Variants in SDK1 observed in about 807,000 individuals in gnomAD.
The protein encoded by SDK1 is sidekick cell adhesion molecule 1.
Under a neutral mutation model 245.5 loss-of-function variants are expected in SDK1, and 157 were observed. That is an observed-to-expected ratio of 0.64 (90% CI 0.56 to 0.73). The LOEUF (loss-of-function observed/expected upper bound fraction) is 0.73, where lower values mean the gene tolerates loss of function less well. SDK1 is among the 30% of genes least tolerant of loss of function. The pLI is 0.00. For missense variants in SDK1, 3,583 were observed against 3,002.3 expected (o/e 1.19, Z -4.52); for synonymous variants, 1,647 against 1,278.5 (o/e 1.29, Z -6.15).
intron 1 of SDK1, among the ~76,000 whole-genome samples, chr7:3,328,992 C>T (rs1416923151): frequency 6.6e-6 from 1 of 152,094 alleles, no homozygotes; most frequent in Admixed American, 6.6e-5. Flanking sequence ...TGCTGGATTA[C>T]CCAAACCAAA....
At chr7:4,136,034 A>G (rs1465122175) in intron 28 of SDK1, among the ~76,000 whole-genome samples, 3 of 152,194 alleles carry the variant, frequency 2.0e-5, no homozygotes, top group East Asian at 3.8e-4. Flanking sequence ...GTCGGGAGGT[A>G]TGGATCTTGA....
chr7:3,416,035 G>T (rs1270811601), intron 1 of SDK1, among the ~76,000 whole-genome samples: 1 of 152,266 alleles, frequency 6.6e-6, no homozygotes, highest in African/African-American at 2.4e-5. Flanking sequence ...AAAGCAGATG[G>T]TGTGTGCAAA....
At chr7:3,610,365 T>C (rs934258058) in intron 1 of SDK1, among the ~76,000 whole-genome samples, 2 of 152,238 alleles carry the variant, frequency 1.3e-5, no homozygotes, top group East Asian at 1.9e-4. Flanking sequence ...GAAAGAAATA[T>C]TGTGCCATAT....
At chr7:3,965,014 C>G (rs764318432) in intron 9 of SDK1, among the ~76,000 whole-genome samples, 2 of 152,194 alleles carry the variant, frequency 1.3e-5, no homozygotes, top group Non-Finnish European at 1.5e-5. Flanking sequence ...GCCTATCTTG[C>G]AATCGTGAGC....
chr7:3,521,056 C>T (rs1159142052), intron 1 of SDK1, among the ~76,000 whole-genome samples: 1 of 152,158 alleles, frequency 6.6e-6, no homozygotes, highest in Non-Finnish European at 1.5e-5. Flanking sequence ...TTCTTCCAAA[C>T]TTACTAGAAT....
chr7:4,208,034 C>T, intron 36 of SDK1, 65 bp from the exon 37 acceptor site: 2 of 1,253,464 alleles, frequency 1.6e-6, no homozygotes, highest in South Asian at 1.3e-5. Flanking sequence ...ACCTTACACT[C>T]AGTGGCCCCC....
At position 3,374,641 on chromosome 7, in the gene SDK1, A is replaced by G. The variant is rs567291671; in HGVS notation, c.298+72757A>G. Among the ~76,000 whole-genome samples, 4 of 152,052 alleles carry G rather than the reference A, an allele frequency of 2.6e-5. No homozygotes were observed. The South Asian group carries it at 8.3e-4, about 32-fold the overall frequency. ...AAGGTACGTTTTTCCCCACCCCAGAACCTTTACATATTCTGTTCCCTCTGC... is the reference window on the plus strand; with the variant it reads ...AAGGTACGTTTTTCCCCACCCCAGAGCCTTTACATATTCTGTTCCCTCTGC... On this transcript the variant is annotated intron_variant, in intron 1 of 44. Coordinates refer to ENST00000404826, the MANE Select transcript of SDK1 (RefSeq NM_152744.4).
chr7:3,817,333 C>T (rs1012585288), intron 4 of SDK1, among the ~76,000 whole-genome samples: 5 of 152,260 alleles, frequency 3.3e-5, no homozygotes, highest in South Asian at 2.1e-4. Flanking sequence ...TACACCCAAT[C>T]GAAGCTCTAT....
chr7:3,745,603 A>G (rs1023226001), intron 4 of SDK1, among the ~76,000 whole-genome samples: 1 of 152,132 alleles, frequency 6.6e-6, no homozygotes, highest in South Asian at 2.1e-4. Context: ...GATTCATTTA[A>G]TCGCCTCCAC....
At chr7:3,604,602 CTTT>C (rs201453008) in intron 1 of SDK1, among the ~76,000 whole-genome samples, 8 of 110,480 alleles carry the variant, frequency 7.2e-5, no homozygotes, top group Non-Finnish European at 1.5e-4. Context: ...CTTTTCTTTT[CTTT>C]TTTTTTTTTT....
chr7:4,199,407 G>A (rs7779882), intron 35 of SDK1, among the ~76,000 whole-genome samples: 55,387 of 152,076 alleles, frequency 0.36, 10,669 homozygotes, highest in Middle Eastern at 0.51. Flanking sequence ...TGATAAGAAG[G>A]TGGAAGCACT....
At chr7:3,524,930 G>C (rs569145081) in intron 1 of SDK1, among the ~76,000 whole-genome samples, 2 of 152,214 alleles carry the variant, frequency 1.3e-5, no homozygotes, top group South Asian at 2.1e-4. Flanking sequence ...AAGAGAGTGG[G>C]ATTACAATTG....
At chr7:4,019,985 C>T (rs1011887953) in intron 17 of SDK1, among the ~76,000 whole-genome samples, 3 of 152,168 alleles carry the variant, frequency 2.0e-5, no homozygotes, top group Non-Finnish European at 4.4e-5. Flanking sequence ...TGGTAAATGC[C>T]TCTGGGGAAT....
At chr7:3,318,578 G>C (rs1286518546) in intron 1 of SDK1, among the ~76,000 whole-genome samples, 2 of 152,140 alleles carry the variant, frequency 1.3e-5, no homozygotes, top group South Asian at 2.1e-4. Flanking sequence ...CTTATTACTT[G>C]TTTCGTGACC....
intron 5 of SDK1, among the ~76,000 whole-genome samples, chr7:3,842,878 C>T (rs540443219): frequency 1.3e-5 from 2 of 152,248 alleles, no homozygotes; most frequent in East Asian, 1.9e-4. Context: ...TTTACTATGA[C>T]ATCTGTGGCT....
chr7:3,509,081 T>C (rs890209559), intron 1 of SDK1, among the ~76,000 whole-genome samples: 20 of 139,142 alleles, frequency 1.4e-4, no homozygotes, highest in African/African-American at 3.6e-4. Flanking sequence ...TGTGTGTGTG[T>C]GTGCGTGTGT....
At chr7:3,903,785 AT>A (rs1781872166) in intron 5 of SDK1, among the ~76,000 whole-genome samples, 2 of 152,244 alleles carry the variant, frequency 1.3e-5, no homozygotes, top group African/African-American at 4.8e-5. Flanking sequence ...GTGGGGCCTC[AT>A]GGGAGGTGTT....
chr7:3,806,681 A>G (rs1362984131), intron 4 of SDK1, among the ~76,000 whole-genome samples: 3 of 152,080 alleles, frequency 2.0e-5, no homozygotes, highest in Admixed American at 1.3e-4. Context: ...ATACATCACA[A>G]CCTATGAAAC....
intron 14 of SDK1, among the ~76,000 whole-genome samples, chr7:3,995,355 C>T (rs1784623660): frequency 6.6e-6 from 1 of 152,152 alleles, no homozygotes; most frequent in African/African-American, 2.4e-5. Flanking sequence ...CATCTCCTCC[C>T]CTAGGGGTGC....
Sources: gnomAD v4.1 joint callset for allele counts (sites outside exome capture counted in the v4.1 genomes callset) on GRCh38, gnomAD v4.1.1 for gene constraint, MANE v1.5 for transcripts, NCBI Gene and HGNC (gene_info 2026-07-23, HGNC 2026-07-21) for gene names.